The following MFHAS1 variants were observed in gnomAD, a reference collection of about 807,000 sequenced individuals.
The protein encoded by MFHAS1 is malignant fibrous histiocytoma-amplified sequence 1.
A neutral mutation model predicts 70.4 loss-of-function variants in MFHAS1; 50 were observed. That is an observed-to-expected ratio of 0.71 (90% CI 0.57 to 0.90). The LOEUF is 0.90. Ranked by LOEUF, MFHAS1 falls within the 40% of genes least tolerant of loss-of-function variation. MFHAS1 has a pLI of 0.00. For synonymous variants in MFHAS1, 952 were observed against 620.0 expected (o/e 1.54, Z -7.96); for missense variants, 1,795 against 1,347.6 (o/e 1.33, Z -5.20).
At chr8:8,841,981 G>A (rs1428904702) in intron 1 of MFHAS1, among the ~76,000 whole-genome samples, 2 of 152,200 alleles carry the variant, frequency 1.3e-5, no homozygotes, top group Non-Finnish European at 2.9e-5. Flanking sequence ...AAGGCATGCA[G>A]TTAAAAATAA....
chr8:8,892,671 C>G lies in MFHAS1; in HGVS notation c.388G>C (p.Val130Leu), dbSNP rs1810118505. The stretch of plus-strand genomic sequence containing the variant: ...CGCAGCTCCCTCAGAGCACTCACCA[C>G]CTCCGCGCCCAGGGCGGTCAGCCGG... ...HNRLTALGAE[V>L]VSALRELRKL... Residue 130 changes from valine (V) to leucine (L), a missense_variant, in exon 1 of 3, where the codon GTG (valine) becomes CTG (leucine). Transcript: ENST00000276282. The surrounding 1 kb of genome is among the most constrained non-coding windows in gnomAD (Gnocchi z 4.7). 1 of 1,583,656 alleles carries G rather than the reference C, an allele frequency of 6.3e-7. No individual in the cohort carries two copies. Among genetic ancestry groups the G allele is most frequent in the African/African-American group, 1.3e-5 (1 of 74,360 alleles).
Position 8,887,461 on chromosome 8 carries a change from C to T in MFHAS1, c.2998+2600G>A, listed in dbSNP as rs181804981. On this transcript the variant is annotated intron_variant, in intron 1 of 2. Transcript: ENST00000276282. ...ATCATGTTTTCTACTATTCTATACC[C>T]TCTGCTACTTTTGAAAAACAACACA... 2.4e-3 allele frequency among the ~76,000 whole-genome samples: 362 copies of T among 151,166 alleles called. 2 individuals are homozygous for T. The highest frequency in any genetic ancestry group is 8.4e-3 in the African/African-American group (347 of 41,270).
chr8:8,882,814 G>A (rs140875273), intron 1 of MFHAS1, among the ~76,000 whole-genome samples: 1 of 152,166 alleles, frequency 6.6e-6, no homozygotes, highest in East Asian at 1.9e-4. Context: ...CCCAGAAGAA[G>A]GTAAACCTGA....
intron 1 of MFHAS1, among the ~76,000 whole-genome samples, chr8:8,852,764 G>C (rs564239595): frequency 2.6e-5 from 4 of 152,234 alleles, no homozygotes; most frequent in African/African-American, 4.8e-5. Context: ...CCAAGAGAAA[G>C]CATCCCACCA....
chr8:8,892,899 G>T lies in MFHAS1; in HGVS notation c.160C>A (p.Pro54Thr), dbSNP rs569422501. The T allele has an allele frequency of 5.1e-6, 8 of 1,572,832 alleles. No homozygotes were observed. In the African/African-American group the frequency reaches 6.9e-5, roughly 14 times the overall value. ...AGGTTGGCCGGCAGCACGAGCTGGG[G>T]GGAGGCGGGGGACTCGAGCGCGTCG... ...GADALESPAS[P>T]QLVLPANLGD... Residue 54 changes from proline to threonine, a missense_variant, in exon 1 of 3, where the codon CCC (proline) becomes ACC (threonine). Pro to Thr is a conservative substitution (Grantham distance 38, BLOSUM62 -1). Coordinates refer to ENST00000276282, the MANE Select transcript of MFHAS1 (RefSeq NM_004225.3). This position sits in a 1 kb window ranked among gnomAD's most constrained non-coding sequence, Gnocchi z 4.7.
intron 1 of MFHAS1, among the ~76,000 whole-genome samples, chr8:8,808,993 G>T (rs534769793): frequency 6.6e-6 from 1 of 152,058 alleles, no homozygotes; most frequent in Non-Finnish European, 1.5e-5. Flanking sequence ...AATTACCACC[G>T]GAGCTCCATC....
At chr8:8,802,816 G>T (rs1806127349) in intron 1 of MFHAS1, among the ~76,000 whole-genome samples, 1 of 152,208 alleles carries the variant, frequency 6.6e-6, no homozygotes, top group Non-Finnish European at 1.5e-5. Context: ...AACTTTCTGG[G>T]AAACATGATG....
chr8:8,810,741 T>G (rs1488915692), intron 1 of MFHAS1, among the ~76,000 whole-genome samples: 10 of 152,150 alleles, frequency 6.6e-5, no homozygotes, highest in Non-Finnish European at 1.5e-4. Context: ...AGTTAAGGAG[T>G]CAAATGTTAT....
At chr8:8,867,747 CG>C (rs1808917748) in intron 1 of MFHAS1, among the ~76,000 whole-genome samples, 1 of 151,946 alleles carries the variant, frequency 6.6e-6, no homozygotes, top group Non-Finnish European at 1.5e-5. Flanking sequence ...TTACTAGAGA[CG>C]GGGTTTCACC....
chr8:8,786,542 G>A (rs941714940), intron 2 of MFHAS1, among the ~76,000 whole-genome samples: 4 of 152,104 alleles, frequency 2.6e-5, no homozygotes, highest in East Asian at 1.9e-4. Context: ...AGTTGTCCAC[G>A]CAAATCTGGA....
intron 1 of MFHAS1, among the ~76,000 whole-genome samples, chr8:8,818,675 T>C (rs1305686026): frequency 6.6e-6 from 1 of 152,214 alleles, no homozygotes; most frequent in Non-Finnish European, 1.5e-5. Context: ...ACTCACTCAA[T>C]GTTGACTTCC....
chr8:8,831,988 A>T (rs1367254185), intron 1 of MFHAS1, among the ~76,000 whole-genome samples: 1 of 152,120 alleles, frequency 6.6e-6, no homozygotes, highest in Non-Finnish European at 1.5e-5. Context: ...GTGCTAAAAC[A>T]ACTGGATATC....
At chr8:8,824,520 TTCA>T (rs1807082992) in intron 1 of MFHAS1, among the ~76,000 whole-genome samples, 1 of 56,622 alleles carries the variant, frequency 1.8e-5, no homozygotes, top group African/African-American at 8.7e-5. Context: ...TTCTCTCTCT[TTCA>T]CACACACACA....
intron 1 of MFHAS1, among the ~76,000 whole-genome samples, chr8:8,869,831 A>C (rs896055818): frequency 1.3e-5 from 2 of 152,300 alleles, no homozygotes; most frequent in Non-Finnish European, 2.9e-5. Context: ...AGCTAGGAGG[A>C]GAGAGGCCCA....
At chr8:8,868,010 T>C (rs773285421) in intron 1 of MFHAS1, among the ~76,000 whole-genome samples, 1 of 152,124 alleles carries the variant, frequency 6.6e-6, no homozygotes, top group Non-Finnish European at 1.5e-5. Flanking sequence ...GTTGGAAGAA[T>C]CCTCTTTCTC....
rs946142241 is a variant in MFHAS1 at position 8,890,743 on chromosome 8, C to T, written c.2316G>A (p.Arg772=). 6.2e-7 allele frequency: 1 copy of T among 1,613,594 alleles called. No individual in the cohort carries two copies. The highest frequency in any genetic ancestry group is 8.5e-7 in the Non-Finnish European group (1 of 1,179,762). ...AEGESSPPMA[R]STPSQELLRA... ...GGAGCAGTTCCTGGCTGGGGGTGGA[C>T]CGCGCCATGGGCGGGGAGCTTTCCC... The change falls in exon 1 of 3, where the codon CGG becomes CGA. Residue 772 remains arginine (R), a synonymous_variant. Transcript: ENST00000276282.
At chr8:8,797,935 T>C (rs1042229053) in intron 1 of MFHAS1, among the ~76,000 whole-genome samples, 1 of 152,138 alleles carries the variant, frequency 6.6e-6, no homozygotes, top group African/African-American at 2.4e-5. Flanking sequence ...CAAAGCCCTA[T>C]ATAAATGATC....
At chr8:8,843,173 G>C (rs1045161652) in intron 1 of MFHAS1, among the ~76,000 whole-genome samples, 1 of 151,908 alleles carries the variant, frequency 6.6e-6, no homozygotes, top group African/African-American at 2.4e-5. Context: ...GGAGGCTGAG[G>C]CAGGAGAATG....
In MFHAS1 at chr8:8,890,660, G is replaced by A. The variant is rs375640553; in HGVS notation, c.2399C>T (p.Ala800Val). ...EGFLLHGLLP[A>V]HVIRLLLKPH... is the part of the protein sequence containing the mutation. ...CTTAAGCAGCAACCGAATGACATGA[G>A]CTGGCAAGAGCCCATGCAACAGAAA... The change falls in exon 1 of 3, where the codon GCT becomes GTT. Residue 800 changes from alanine (A) to valine (V), a missense_variant. Coordinates refer to ENST00000276282, the MANE Select transcript of MFHAS1 (RefSeq NM_004225.3). 8.7e-6 allele frequency: 14 copies of A among 1,613,412 alleles called. No homozygotes were observed. In the Admixed American group the frequency reaches 1.2e-4, roughly 13 times the overall value.
Sources: gnomAD v4.1 joint callset for allele counts (sites outside exome capture counted in the v4.1 genomes callset) on GRCh38, gnomAD v4.1.1 for gene constraint, Gnocchi (gnomAD v3.1) non-coding constraint, MANE v1.5 for transcripts, NCBI Gene and HGNC (gene_info 2026-07-23, HGNC 2026-07-21) for gene names.